The following DENR variants were observed in gnomAD, a reference collection of about 807,000 sequenced individuals.
The protein encoded by DENR is density-regulated protein.
Under a neutral mutation model 30.6 loss-of-function variants are expected in DENR, and 6 were observed. The ratio of observed to expected loss-of-function variants is 0.20; its 90% confidence interval spans 0.11 to 0.39. DENR has a LOEUF of 0.39. Ranked by LOEUF, DENR falls within the 10% of genes least tolerant of loss-of-function variation. DENR has a pLI of 1.00. For synonymous variants in DENR, 78 were observed against 72.1 expected (o/e 1.08, Z -0.41); for missense variants, 141 against 230.9 (o/e 0.61, Z 2.52).
intron 2 of DENR, among the ~76,000 whole-genome samples, chr12:122,759,714 C>T (rs956719307): frequency 4.6e-5 from 7 of 151,050 alleles, no homozygotes; most frequent in African/African-American, 1.5e-4. Flanking sequence ...GAGCAAAACC[C>T]CAATTTTTTT....
rs759381165 is a variant in DENR, at chr12:122,767,523, G to A, written c.331G>A (p.Val111Ile). The A allele has an allele frequency of 5.0e-6, 8 of 1,590,036 alleles. No homozygotes were observed. The highest frequency in any genetic ancestry group is 3.5e-5 in the South Asian group (3 of 86,402). The change falls in exon 6 of 8, where the codon GTA becomes ATA. Residue 111 changes from valine to isoleucine, a missense_variant. Val to Ile is a conservative substitution (Grantham distance 29). Coordinates refer to ENST00000280557, the MANE Select transcript of DENR (RefSeq NM_003677.5). ...TCAAATAAAACAAAAAAAGAAGACC[G>A]TACCACAAAAGGTTACTATAGCCAA... ...RGQIKQKKKT[V>I]PQKVTIAKIP...
Position 122,768,763 on chromosome 12 carries a change from T to C in DENR, c.413-19T>C. 1 of 1,527,444 alleles carries C rather than the reference T, an allele frequency of 6.5e-7. No individual in the cohort carries two copies. Among genetic ancestry groups the C allele is most frequent in the Non-Finnish European group, 8.8e-7 (1 of 1,138,186 alleles). The allele number at this position is 1,527,444 out of a possible 1,614,324, so 94.6% of individuals were successfully genotyped here. On this transcript the variant is annotated intron_variant, in intron 6 of 7. Transcript: ENST00000280557. ...AATTCCAATTACAGTTCTTGCTCTT[T>C]CTTTTTTTAAAAAAATAGAAATTGA...
intron 4 of DENR, among the ~76,000 whole-genome samples, chr12:122,764,504 G>A (rs998502892): frequency 3.9e-5 from 6 of 152,182 alleles, no homozygotes; most frequent in Non-Finnish European, 7.3e-5. Flanking sequence ...GGAGGCTGAG[G>A]CAGGAGAATG....
At position 122,769,370 on chromosome 12, in the gene DENR, T is replaced by G. The variant is rs1289180762; in HGVS notation, c.*292T>G. 1 of 990,736 alleles carries G rather than the reference T, an allele frequency of 1.0e-6. No individual in the cohort carries two copies. The highest frequency in any genetic ancestry group is 1.1e-4 in the East Asian group (1 of 9,462). The allele number at this position is 990,736 out of a possible 1,614,324, so 61.4% of individuals were successfully genotyped here. Reference sequence around the variant, plus strand: ...TGTAGACTGTCCTCGTCCTTGGCATTTTCACTGTTCTGTACAAGGCTGCTT... The same window carrying G: ...TGTAGACTGTCCTCGTCCTTGGCATGTTCACTGTTCTGTACAAGGCTGCTT... On this transcript the variant is annotated 3_prime_UTR_variant, in exon 8 of 8. Coordinates refer to ENST00000280557, the MANE Select transcript of DENR (RefSeq NM_003677.5).
At position 122,767,576 on chromosome 12, in the gene DENR, GAC is replaced by G; in HGVS notation, c.386_387del (p.Thr129LysfsTer9). 6.2e-7 allele frequency: 1 copy of G among 1,602,228 alleles called. No individual in the cohort carries two copies. Among genetic ancestry groups the G allele is most frequent in the Non-Finnish European group, 8.5e-7 (1 of 1,174,648 alleles). Reference protein sequence around the residue: ...KIPRAKKKYVTRVCGLATFEI... With the variant: ...KIPRAKKKYVXRVCGLATFEI... ...TTCCCAGAGCAAAGAAGAAATATGT[GAC>G]AAGAGTATGTGGCCTTGCAACTTTT... On this transcript the variant is annotated frameshift_variant, in exon 6 of 8. Coordinates refer to ENST00000280557, the MANE Select transcript of DENR (RefSeq NM_003677.5). LOFTEE classifies it high-confidence loss of function.
At chr12:122,763,581 A>G (rs760078981) in intron 4 of DENR, among the ~76,000 whole-genome samples, 2 of 151,618 alleles carry the variant, frequency 1.3e-5, no homozygotes, top group Non-Finnish European at 2.9e-5. Context: ...CATGCCTGTA[A>G]TCCTAGCTAC....
At chr12:122,755,006 T>A (rs1409547571) in intron 2 of DENR, among the ~76,000 whole-genome samples, 1 of 152,186 alleles carries the variant, frequency 6.6e-6, no homozygotes, top group African/African-American at 2.4e-5. Flanking sequence ...AAAGATTAGA[T>A]TTGGAGATAG....
chr12:122,765,210 C>A, intron 4 of DENR, 94 bp from the exon 5 acceptor site: 3 of 902,228 alleles, frequency 3.3e-6, no homozygotes, highest in South Asian at 1.6e-5. Context: ...TGGTAAGATG[C>A]CTTATTTGTA....
intron 6 of DENR, chr12:122,768,334 C>A (rs1309860770): frequency 6.5e-6 from 1 of 153,174 alleles, no homozygotes; most frequent in Non-Finnish European, 1.5e-5. Flanking sequence ...CCCATCTCTA[C>A]TAAAAATACA....
intron 2 of DENR, among the ~76,000 whole-genome samples, chr12:122,756,158 C>T (rs571137541): frequency 2.6e-5 from 4 of 152,230 alleles, no homozygotes; most frequent in South Asian, 4.2e-4. Flanking sequence ...AAGAAAGAGA[C>T]AAGAAATAGG....
intron 2 of DENR, among the ~76,000 whole-genome samples, chr12:122,761,869 G>T (rs144461634): frequency 2.0e-5 from 3 of 152,234 alleles, no homozygotes; most frequent in Admixed American, 2.0e-4. Flanking sequence ...GAAATTGTTC[G>T]TGTCTTAGCT....
In DENR at chr12:122,769,171, TATATATGTATATATACAC is replaced by T. The variant is rs1593765480; in HGVS notation, c.*104_*121del. The T allele has an allele frequency of 4.5e-6, 5 of 1,109,698 alleles. No individual in the cohort carries two copies. The highest frequency in any genetic ancestry group is 5.9e-6 in the Non-Finnish European group (5 of 843,514). The allele number at this position is 1,109,698 out of a possible 1,614,324, so 68.7% of individuals were successfully genotyped here. Reference sequence around the variant, plus strand: ...TTTAAAATATATATATATATACACATATATATGTATATATACACATATATGTATGTATACACATATACA... The same window carrying T: ...TTTAAAATATATATATATATACACATATATATGTATGTATACACATATACA... On this transcript the variant is annotated 3_prime_UTR_variant, in exon 8 of 8. Transcript: ENST00000280557.
intron 3 of DENR, among the ~76,000 whole-genome samples, chr12:122,762,541 T>C (rs1283947363): frequency 6.6e-6 from 1 of 152,234 alleles, no homozygotes; most frequent in African/African-American, 2.4e-5. Context: ...ATAAATTATG[T>C]GTAAGACTTT....
At chr12:122,765,423 A>AT in intron 5 of DENR, 36 bp downstream of exon 5, 1 of 1,489,698 alleles carries the variant, frequency 6.7e-7, no homozygotes, top group Non-Finnish European at 9.1e-7. Context: ...TTGTACAGTC[A>AT]TACCGTCACT....
intron 6 of DENR, among the ~76,000 whole-genome samples, chr12:122,768,526 G>C (rs1435549758): frequency 6.6e-6 from 1 of 152,036 alleles, no homozygotes; most frequent in African/African-American, 2.4e-5. Flanking sequence ...AGTGTCCCTG[G>C]ATTTATTTTG....
At chr12:122,760,852 A>G (rs899195173) in intron 2 of DENR, among the ~76,000 whole-genome samples, 1 of 152,234 alleles carries the variant, frequency 6.6e-6, no homozygotes, top group African/African-American at 2.4e-5. Flanking sequence ...ACACCAAATG[A>G]CAGGATTGAA....
At chr12:122,768,700 T>C (rs1878914512) in intron 6 of DENR, 82 bp from the exon 7 acceptor site, 1 of 1,238,538 alleles carries the variant, frequency 8.1e-7, no homozygotes, top group Admixed American at 2.8e-5. Flanking sequence ...GATTTTAAAA[T>C]GCAGATTAAA....
At chr12:122,765,448 A>G (rs1434763213) in intron 5 of DENR, 61 bp downstream of exon 5, 2 of 1,425,220 alleles carry the variant, frequency 1.4e-6, no homozygotes, top group Non-Finnish European at 1.9e-6. Context: ...TAGAAAATGT[A>G]AGTAATTAAA....
intron 5 of DENR, among the ~76,000 whole-genome samples, 150 bp from the exon 6 acceptor site, chr12:122,767,334 TAATA>T (rs1449059981): frequency 6.6e-6 from 1 of 152,248 alleles, no homozygotes; most frequent in Non-Finnish European, 1.5e-5. Flanking sequence ...AGTAGGTACT[TAATA>T]AATGTTTATT....
Sources: gnomAD v4.1 joint callset for allele counts (sites outside exome capture counted in the v4.1 genomes callset) on GRCh38, gnomAD v4.1.1 for gene constraint, MANE v1.5 for transcripts, NCBI Gene and HGNC (gene_info 2026-07-23, HGNC 2026-07-21) for gene names.